Variants in NAF1 observed in about 807,000 individuals in gnomAD.
NAF1 encodes the protein nuclear assembly factor 1 ribonucleoprotein.
NAF1 carries 11 observed loss-of-function variants against 40.6 expected under a neutral mutation model. The observed-to-expected ratio is 0.27, with a 90% CI of 0.17 to 0.45. NAF1 has a LOEUF of 0.45. NAF1 is among the 20% of genes least tolerant of loss of function. The probability of loss-of-function intolerance (pLI) is 1.00; values close to 1 mark genes in which losing one functional copy is unlikely to be tolerated. For synonymous variants in NAF1, 260 were observed against 228.5 expected (o/e 1.14, Z -1.24); for missense variants, 607 against 611.1 (o/e 0.99, Z 0.07).
chr4:163,114,099 T>C (rs1042727961), intron 2 of NAF1, among the ~76,000 whole-genome samples: 9 of 152,162 alleles, frequency 5.9e-5, no homozygotes, highest in African/African-American at 2.2e-4. Context: ...TGGAAGAGAA[T>C]GGAGAAATAA....
chr4:163,124,604 T>C (rs1002425252), downstream of NAF1, among the ~76,000 whole-genome samples: 1 of 152,250 alleles, frequency 6.6e-6, no homozygotes, highest in African/African-American at 2.4e-5. Flanking sequence ...ATTTTATTTT[T>C]TCTATATGTT....
intron 7 of NAF1, among the ~76,000 whole-genome samples, chr4:163,132,241 C>T (rs990727604): frequency 1.3e-5 from 2 of 152,114 alleles, no homozygotes; most frequent in African/African-American, 4.8e-5. Flanking sequence ...AAATGAAAAC[C>T]TCTTTTCACA....
chr4:163,117,170 G>A (rs910185018), intron 2 of NAF1, among the ~76,000 whole-genome samples: 1 of 152,200 alleles, frequency 6.6e-6, no homozygotes, highest in Non-Finnish European at 1.5e-5. Context: ...CTAAGATCAT[G>A]TTCTCTGTGA....
chr4:163,109,442 G>A (rs1414233173), downstream of NAF1, among the ~76,000 whole-genome samples: 1 of 151,710 alleles, frequency 6.6e-6, no homozygotes, highest in African/African-American at 2.4e-5. Flanking sequence ...TATTCACTTT[G>A]GGGAAAGAAG....
downstream of NAF1, among the ~76,000 whole-genome samples, chr4:163,106,904 CT>C (rs913074359): frequency 1.3e-5 from 2 of 152,146 alleles, no homozygotes; most frequent in Non-Finnish European, 2.9e-5. Flanking sequence ...ATCCTCCATT[CT>C]TTTCTCATAT....
At chr4:163,114,187 G>A (rs894186850) in intron 2 of NAF1, among the ~76,000 whole-genome samples, 17 of 152,224 alleles carry the variant, frequency 1.1e-4, no homozygotes, top group African/African-American at 3.6e-4. Context: ...TCTAGCCACT[G>A]AAGTAGAACC....
chr4:163,147,704 T>C (rs898065954), intron 3 of NAF1, among the ~76,000 whole-genome samples: 9 of 152,142 alleles, frequency 5.9e-5, no homozygotes, highest in Admixed American at 5.2e-4. Flanking sequence ...TTTGCAGATG[T>C]GATTAAAGTT....
At chr4:163,149,417 C>T (rs556693653) in intron 2 of NAF1, among the ~76,000 whole-genome samples, 12 of 152,258 alleles carry the variant, frequency 7.9e-5, no homozygotes, top group South Asian at 6.2e-4. Flanking sequence ...ATTACCCCTA[C>T]GGAAACTTAA....
At chr4:163,126,896 A>T, downstream of NAF1, 1 of 1,458,296 alleles carries the variant, frequency 6.9e-7, no homozygotes, top group Non-Finnish European at 9.0e-7. Context: ...AACTCACTGC[A>T]GGCTCAAAGG....
At chr4:163,151,167 C>T (rs1731686475) in intron 2 of NAF1, among the ~76,000 whole-genome samples, 1 of 151,418 alleles carries the variant, frequency 6.6e-6, no homozygotes, top group African/African-American at 2.4e-5. Flanking sequence ...TAGCAAATAT[C>T]CACTCCCTTA....
At chr4:163,118,714 T>C (rs1025447188) in intron 2 of NAF1, among the ~76,000 whole-genome samples, 3 of 151,904 alleles carry the variant, frequency 2.0e-5, no homozygotes, top group East Asian at 1.9e-4. Flanking sequence ...TATCGCACCA[T>C]TGCACTCCAG....
chr4:163,113,444 T>A (rs991765397), intron 2 of NAF1, among the ~76,000 whole-genome samples: 1 of 152,120 alleles, frequency 6.6e-6, no homozygotes, highest in Non-Finnish European at 1.5e-5. Context: ...TTTTCAAAAA[T>A]GCAATTAGAC....
intron 2 of NAF1, among the ~76,000 whole-genome samples, chr4:163,155,693 G>A (rs546036028): frequency 6.6e-6 from 1 of 152,172 alleles, no homozygotes; most frequent in Admixed American, 6.5e-5. Context: ...CCCCTCCTAA[G>A]ATAATGAATA....
chr4:163,127,419 T>C (rs1391974043), downstream of NAF1, among the ~76,000 whole-genome samples: 1 of 152,172 alleles, frequency 6.6e-6, no homozygotes, highest in Non-Finnish European at 1.5e-5. Flanking sequence ...CATGAGCCAC[T>C]GCACCCGGCC....
At chr4:163,145,923 G>T in intron 3 of NAF1, 59 bp from the exon 4 acceptor site, 1 of 881,336 alleles carries the variant, frequency 1.1e-6, no homozygotes, top group Non-Finnish European at 1.7e-6. Flanking sequence ...GAATTTTAAT[G>T]AAAATCTAAG....
intron 2 of NAF1, among the ~76,000 whole-genome samples, chr4:163,163,390 C>A (rs1732308171): frequency 6.6e-6 from 1 of 152,008 alleles, no homozygotes; most frequent in Non-Finnish European, 1.5e-5. Flanking sequence ...TTTTTCAAAT[C>A]TTGCATTAAA....
At chr4:163,151,783 T>C (rs1184462177) in intron 2 of NAF1, among the ~76,000 whole-genome samples, 1 of 150,222 alleles carries the variant, frequency 6.7e-6, no homozygotes, top group Non-Finnish European at 1.5e-5. Flanking sequence ...GTTATCAGTA[T>C]TGATTGAGAT....
chr4:163,127,862 T>C (rs528120514), downstream of NAF1, among the ~76,000 whole-genome samples: 1 of 152,308 alleles, frequency 6.6e-6, no homozygotes, highest in South Asian at 2.1e-4. Context: ...TGTAAAGGAA[T>C]GTAAGATTGG....
At chr4:163,153,112 C>T (rs1264692955) in intron 2 of NAF1, among the ~76,000 whole-genome samples, 1 of 152,234 alleles carries the variant, frequency 6.6e-6, no homozygotes, top group Admixed American at 6.5e-5. Context: ...TGCAGCCCGC[C>T]ATGCCTGAGC....
Sources: gnomAD v4.1 joint callset for allele counts (sites outside exome capture counted in the v4.1 genomes callset) on GRCh38, gnomAD v4.1.1 for gene constraint, MANE v1.5 for transcripts, NCBI Gene and HGNC (gene_info 2026-07-23, HGNC 2026-07-21) for gene names.